The following POLB variants were observed in gnomAD, a reference collection of about 807,000 sequenced individuals.
POLB encodes the protein 5'-dRP lyase.
In POLB, 37 loss-of-function variants were observed where a neutral mutation model predicts 52.7. The ratio of observed to expected loss-of-function variants is 0.70; its 90% confidence interval spans 0.54 to 0.92. POLB has a LOEUF of 0.92. POLB is among the 40% of genes least tolerant of loss of function. POLB has a pLI of 0.00. For missense variants in POLB, 313 were observed against 400.8 expected, an observed-to-expected ratio of 0.78 and a Z score of 1.87; for synonymous variants, 138 against 131.3, an observed-to-expected ratio of 1.05 and a Z score of -0.35.
At chr8:42,354,190 A>G (rs1388720948) in intron 6 of POLB, among the ~76,000 whole-genome samples, 2 of 152,194 alleles carry the variant, frequency 1.3e-5, no homozygotes, top group African/African-American at 4.8e-5. Context: ...ATCTATAACT[A>G]TATCTGTCTA....
intron 9 of POLB, among the ~76,000 whole-genome samples, chr8:42,359,691 A>G (rs1481177585): frequency 6.6e-6 from 1 of 151,188 alleles, no homozygotes; most frequent in Non-Finnish European, 1.5e-5. Flanking sequence ...GCTGTGTAAC[A>G]TTCAGTTGCA....
intron 11 of POLB, among the ~76,000 whole-genome samples, chr8:42,366,382 A>C (rs1824038188): frequency 6.6e-6 from 1 of 152,210 alleles, no homozygotes; most frequent in Non-Finnish European, 1.5e-5. Context: ...GCTAAAAAAC[A>C]AGAAGACTGG....
intron 3 of POLB, among the ~76,000 whole-genome samples, chr8:42,348,551 A>G (rs1229163868): frequency 3.9e-5 from 6 of 152,176 alleles, no homozygotes; most frequent in African/African-American, 9.7e-5. Flanking sequence ...TACTCCAGAC[A>G]TGGTGAATGA....
intron 3 of POLB, 78 bp from the exon 4 acceptor site, chr8:42,348,938 C>T: frequency 5.2e-6 from 4 of 771,840 alleles, no homozygotes; most frequent in East Asian, 2.8e-5. Context: ...TTTTCATTTT[C>T]TGCTTTTTAC....
intron 6 of POLB, chr8:42,354,560 G>C (rs1363712646): frequency 1.2e-6 from 1 of 824,754 alleles, no homozygotes; most frequent in Non-Finnish European, 1.8e-6. Flanking sequence ...ATTTTTTTTT[G>C]TTTTGAGACA....
intron 2 of POLB, chr8:42,342,751 T>A (rs1563389330): frequency 3.0e-6 from 1 of 338,852 alleles, no homozygotes; most frequent in Non-Finnish European, 5.5e-6. Flanking sequence ...TCCCACCACT[T>A]TGGGATGCCA....
chr8:42,363,527 C>CAAAAAAA (rs1163249252), intron 11 of POLB, among the ~76,000 whole-genome samples: 4 of 15,824 alleles, frequency 2.5e-4, no homozygotes, highest in Non-Finnish European at 3.6e-4. Context: ...GACTCTGTCT[C>CAAAAAAA]AAAAAAAAAA....
intron 11 of POLB, among the ~76,000 whole-genome samples, chr8:42,367,829 A>G (rs921072002): frequency 6.6e-6 from 1 of 152,082 alleles, no homozygotes; most frequent in Non-Finnish European, 1.5e-5. Flanking sequence ...GCATTCAACT[A>G]TTGGTTTTAT....
chr8:42,349,018 T>G lies in POLB; in HGVS notation c.189T>G (p.Pro63=). 6.3e-7 allele frequency: 1 copy of G among 1,577,366 alleles called. No individual in the cohort carries two copies. The highest frequency in any genetic ancestry group is 2.2e-5 in the East Asian group (1 of 44,510). ...IKSGAEAKKL[P]GVGTKIAEKI... ...TATATTTCTAATTTTCCATGTAGCC[T>G]GGAGTAGGAACAAAAATTGCTGAAA... The change falls in exon 4 of 14, where the codon CCT becomes CCG. Residue 63 remains proline, a splice_region_variant and synonymous_variant. Transcript: ENST00000265421.
intron 11 of POLB, 65 bp downstream of exon 11, chr8:42,362,763 A>G: frequency 1.3e-6 from 1 of 797,938 alleles, no homozygotes; most frequent in Non-Finnish European, 2.2e-6. Context: ...AGCCATTCTG[A>G]GTGTGTGACT....
rs113655571 is a variant in POLB, at chr8:42,355,472, A to G, written c.371-44A>G. ...TTGAGTTTAGCATTTTCCCCCCAAAAAGCATTTAAATTAACATGTCAACTT... is the reference window on the plus strand; with the variant it reads ...TTGAGTTTAGCATTTTCCCCCCAAAGAGCATTTAAATTAACATGTCAACTT... On this transcript the variant is annotated intron_variant, in intron 6 of 13. Coordinates refer to ENST00000265421, the MANE Select transcript of POLB (RefSeq NM_002690.3). 4.2e-5 allele frequency: 47 copies of G among 1,113,368 alleles called. No homozygotes were observed. In the African/African-American group the frequency reaches 4.6e-4, roughly 11 times the overall value. 69.0% of individuals were successfully genotyped at this position (1,113,368 alleles called of 1,614,324 possible).
At chr8:42,367,566 C>A (rs1331324855) in intron 11 of POLB, among the ~76,000 whole-genome samples, 8 of 152,126 alleles carry the variant, frequency 5.3e-5, no homozygotes, top group African/African-American at 1.4e-4. Flanking sequence ...TGAAATAAAC[C>A]ATTCTCATTC....
At position 42,352,552 on chromosome 8, in the gene POLB, A is replaced by T; in HGVS notation, c.354A>T (p.Gly118=). 1 of 1,595,368 alleles carries T rather than the reference A, an allele frequency of 6.3e-7. No individual in the cohort carries two copies. Among genetic ancestry groups the T allele is most frequent in the Non-Finnish European group, 8.6e-7 (1 of 1,162,982 alleles). The change falls in exon 6 of 14, where the codon GGA becomes GGT. Residue 118 remains glycine (G), a synonymous_variant. Transcript: ENST00000265421. ...PSAARKFVDE[G]IKTLEDLRKN... is the part of the protein sequence containing the mutation. Reference sequence around the variant, plus strand: ...CTGCAAGGAAGTTTGTAGATGAAGGAATTAAAACACTAGAAGGTGAGTATG... The same window carrying T: ...CTGCAAGGAAGTTTGTAGATGAAGGTATTAAAACACTAGAAGGTGAGTATG...
chr8:42,359,289 A>G (rs1042301140), intron 9 of POLB, among the ~76,000 whole-genome samples: 1 of 152,042 alleles, frequency 6.6e-6, no homozygotes, highest in Non-Finnish European at 1.5e-5. Context: ...ACAATACTAT[A>G]CCTTGCTTTT....
intron 2 of POLB, among the ~76,000 whole-genome samples, chr8:42,340,548 C>G (rs1822137399): frequency 6.6e-6 from 1 of 152,224 alleles, no homozygotes; most frequent in Non-Finnish European, 1.5e-5. Context: ...CCAGGCATTT[C>G]AGATAAGGGA....
rs3136737 is a variant in POLB at position 42,346,591 on chromosome 8, G to C, written c.186+1572G>C. Among the ~76,000 whole-genome samples, 1,512 of 151,654 alleles carry C rather than the reference G, an allele frequency of 1.0e-2. 7 individuals carry two copies. The highest frequency in any genetic ancestry group is 0.02 in the Admixed American group (311 of 15,220). ...ATTTCTTTTGTAGAGATTGGATCTTGTTATGTTGCCCAGGCTAGTCTTGAA... is the reference window on the plus strand; with the variant it reads ...ATTTCTTTTGTAGAGATTGGATCTTCTTATGTTGCCCAGGCTAGTCTTGAA... On this transcript the variant is annotated intron_variant, in intron 3 of 13. Transcript: ENST00000265421.
intron 7 of POLB, 55 bp downstream of exon 7, chr8:42,355,622 G>C (rs898584501): frequency 7.3e-6 from 8 of 1,095,994 alleles, no homozygotes; most frequent in African/African-American, 1.6e-5. Flanking sequence ...ATTTTTTATA[G>C]ACATTCTTTT....
In POLB at chr8:42,338,585, C is replaced by G. The variant is rs769906597; in HGVS notation, c.-40C>G. On this transcript the variant is annotated 5_prime_UTR_variant, in exon 1 of 14. Transcript: ENST00000265421. ...TCAAGCTGGGAGAGGGCTCTAGTCC[C>G]TGGTTCTGAACACTCTGGGGTTCTC... is the stretch of plus-strand genomic sequence containing the variant. 2 of 1,593,130 alleles carry G rather than the reference C, an allele frequency of 1.3e-6. No homozygotes were observed.
At chr8:42,358,880 TA>T (rs911330764) in intron 9 of POLB, among the ~76,000 whole-genome samples, 1 of 151,414 alleles carries the variant, frequency 6.6e-6, no homozygotes, top group Non-Finnish European at 1.5e-5. Context: ...ACCTAGGACT[TA>T]AAAAAAAATA....
Sources: allele counts gnomAD v4.1 joint callset (sites outside exome capture counted in the v4.1 genomes callset), GRCh38; gene constraint gnomAD v4.1.1; transcripts MANE v1.5; gene names NCBI Gene and HGNC (gene_info 2026-07-23, HGNC 2026-07-21).